ATG4A: variants seen among roughly 807,000 people sequenced by gnomAD.
ATG4A encodes cysteine protease ATG4A.
In ATG4A, 22 loss-of-function variants were observed where a neutral mutation model predicts 38.4. The ratio of observed to expected loss-of-function variants is 0.57; its 90% confidence interval spans 0.41 to 0.82. ATG4A has a LOEUF of 0.82. Among genes scored for constraint, ATG4A ranks in the 40% least tolerant of loss-of-function variants. ATG4A has a pLI of 0.00. For synonymous variants in ATG4A, 86 were observed against 100.7 expected, an observed-to-expected ratio of 0.85 and a Z score of 0.88; for missense variants, 220 against 290.0, an observed-to-expected ratio of 0.76 and a Z score of 1.75.
chrX:108,111,201 C>T (rs765594039), intron 1 of ATG4A, among the ~76,000 whole-genome samples: 1 of 112,118 alleles, frequency 8.9e-6, no homozygotes, highest in South Asian at 3.7e-4. Context: ...ATGCCTGGCT[C>T]TCATTGCTAT....
chrX:108,097,925 A>G (rs1469778763), intron 1 of ATG4A, among the ~76,000 whole-genome samples: 2 of 112,459 alleles, frequency 1.8e-5, no homozygotes, highest in Non-Finnish European at 3.8e-5. Flanking sequence ...GCTTGGTTTA[A>G]GATGAGACAT....
At chrX:108,091,545 C>T, upstream of ATG4A, 1 of 1,188,855 alleles carries the variant, frequency 8.4e-7, no homozygotes, top group Non-Finnish European at 1.1e-6. Flanking sequence ...AACTACTTGT[C>T]GCGCGAGCAA....
chrX:108,111,297 TATG>T (rs2032348320), intron 1 of ATG4A, among the ~76,000 whole-genome samples: 2 of 112,545 alleles, frequency 1.8e-5, no homozygotes, highest in Admixed American at 1.9e-4. Flanking sequence ...GTTACAGAAC[TATG>T]ATTGGGGTAC....
intron 1 of ATG4A, among the ~76,000 whole-genome samples, chrX:108,112,437 G>A (rs774946124): frequency 1.8e-5 from 2 of 108,751 alleles, no homozygotes; most frequent in Admixed American, 9.8e-5. Context: ...TGTCGCCCTG[G>A]CTGGAGTGCA....
chrX:108,134,634 AT>A (rs1335313421), intron 6 of ATG4A, among the ~76,000 whole-genome samples: 5 of 111,848 alleles, frequency 4.5e-5, no homozygotes, highest in Non-Finnish European at 7.5e-5. Flanking sequence ...GTAGCAGTAT[AT>A]GTGGCTGTAT....
At chrX:108,112,699 C>G (rs1369568746) in intron 1 of ATG4A, among the ~76,000 whole-genome samples, 1 of 111,342 alleles carries the variant, frequency 9.0e-6, no homozygotes, top group Admixed American at 9.5e-5. Flanking sequence ...CCGGCCCTTC[C>G]CTGACTTCTT....
upstream of ATG4A, chrX:108,091,648 C>G (rs1199313547): frequency 1.1e-6 from 1 of 924,389 alleles, no homozygotes; most frequent in East Asian, 3.1e-5. Context: ...CTTTTCTTTT[C>G]CCGTCGCGCG....
intron 2 of ATG4A, chrX:108,126,872 C>G: frequency 1.4e-6 from 1 of 709,370 alleles, no homozygotes; most frequent in Non-Finnish European, 2.0e-6. Flanking sequence ...AAAGAGGCAG[C>G]TCTGAGATTT....
At chrX:108,126,328 G>A (rs1212559371) in intron 2 of ATG4A, 141 bp downstream of exon 2, 1 of 484,499 alleles carries the variant, frequency 2.1e-6, no homozygotes, top group Non-Finnish European at 3.5e-6. Flanking sequence ...TTAACTTGTA[G>A]TCAAAGGAGC....
upstream of ATG4A, chrX:108,091,381 T>G (rs375550711): frequency 1.6e-4 from 185 of 1,190,138 alleles, no homozygotes; most frequent in Middle Eastern, 2.5e-4. Context: ...CGTCGCCGAC[T>G]GCGGAGAGAC....
intron 9 of ATG4A, among the ~76,000 whole-genome samples, chrX:108,139,440 C>T (rs1017457470): frequency 8.0e-5 from 9 of 112,252 alleles, no homozygotes; most frequent in Non-Finnish European, 9.4e-5. Context: ...ATTTCCTTTG[C>T]CAGCCCCTTC....
chrX:108,100,799 C>T (rs1317174559), intron 1 of ATG4A, among the ~76,000 whole-genome samples: 1 of 111,479 alleles, frequency 9.0e-6, no homozygotes, highest in African/African-American at 3.3e-5. Context: ...TATATTTGCT[C>T]ATATTTGCTG....
chrX:108,100,362 AT>A lies in ATG4A; in HGVS notation c.10+8534del, dbSNP rs748998746. Among the ~76,000 whole-genome samples, 13 of 110,348 alleles carry A rather than the reference AT, an allele frequency of 1.2e-4. No homozygotes were observed. In the South Asian group the frequency reaches 4.9e-3, roughly 42 times the overall value. On this transcript the variant is annotated intron_variant, in intron 1 of 12. Transcript: ENST00000372232. ...TAGGGGGTTAAAAGGTATTTTTCTA[AT>A]TTTTTTTCTTTTGTTTTCATTGTTT...
intron 1 of ATG4A, among the ~76,000 whole-genome samples, chrX:108,106,957 A>G (rs1439564053): frequency 8.9e-6 from 1 of 111,867 alleles, no homozygotes; most frequent in Non-Finnish European, 1.9e-5. Context: ...TTTCATATTA[A>G]TTAGCTTGAT....
chrX:108,108,252 AG>A (rs1405153896), intron 1 of ATG4A, among the ~76,000 whole-genome samples: 2 of 100,998 alleles, frequency 2.0e-5, no homozygotes, highest in African/African-American at 3.7e-5. Flanking sequence ...AAACAAATCC[AG>A]GGAACTCACT....
chrX:108,153,617 C>CT, intron 12 of ATG4A, 25 bp from the exon 13 acceptor site: 1 of 1,174,877 alleles, frequency 8.5e-7, no homozygotes, highest in Non-Finnish European at 1.2e-6. Context: ...AGCTTTTCTT[C>CT]TTTCTCATTT....
intron 3 of ATG4A, among the ~76,000 whole-genome samples, chrX:108,129,758 G>A (rs1353978457): frequency 1.8e-5 from 2 of 109,109 alleles, no homozygotes; most frequent in Non-Finnish European, 3.8e-5. Context: ...TTTTAGTAGA[G>A]ACAGGGTTTC....
chrX:108,149,285 G>A (rs761180236), intron 9 of ATG4A, among the ~76,000 whole-genome samples: 2 of 112,507 alleles, frequency 1.8e-5, no homozygotes, highest in East Asian at 2.8e-4. Flanking sequence ...CCTCAGGCCC[G>A]GACAGTGAGG....
chrX:108,148,926 T>C (rs749099321), intron 9 of ATG4A, among the ~76,000 whole-genome samples: 6 of 112,621 alleles, frequency 5.3e-5, no homozygotes, highest in Non-Finnish European at 9.4e-5. Flanking sequence ...CACTTTCTAT[T>C]TGTATTGTGT....
Sources: gnomAD v4.1 joint callset for allele counts (sites outside exome capture counted in the v4.1 genomes callset) on GRCh38, gnomAD v4.1.1 for gene constraint, MANE v1.5 for transcripts, NCBI Gene and HGNC (gene_info 2026-07-23, HGNC 2026-07-21) for gene names.